The following HIVEP3 variants were observed in gnomAD, a reference collection of about 807,000 sequenced individuals.
HIVEP3 encodes the protein transcription factor HIVEP3.
HIVEP3 carries 49 observed loss-of-function variants against 152.8 expected under a neutral mutation model. The observed-to-expected ratio is 0.32, with a 90% CI of 0.26 to 0.41. The LOEUF is 0.41. HIVEP3 is among the 10% of genes least tolerant of loss of function. The pLI is 1.00. For missense variants in HIVEP3, 2,790 were observed against 3,103.3 expected (o/e 0.90, Z 2.40); for synonymous variants, 1,269 against 1,289.0 (o/e 0.98, Z 0.33).
At position 41,662,599 on chromosome 1, in the gene HIVEP3, G is replaced by T. The variant is rs988778849; in HGVS notation, c.-720-33652C>A. On this transcript the variant is annotated intron_variant, in intron 2 of 8. Transcript: ENST00000372583. The surrounding 1 kb of genome is among the most constrained non-coding windows in gnomAD (Gnocchi z 7.2). ...GCCCGGGCGCGGCTGGCGGCTGCCA[G>T]GGGAGGGTCTCCTCGCCCGGGGAAT... 1.6e-4 allele frequency among the ~76,000 whole-genome samples: 24 copies of T among 151,352 alleles called. No homozygotes were observed. Among genetic ancestry groups the T allele is most frequent in the African/African-American group, 5.8e-4 (24 of 41,404 alleles).
intron 1 of HIVEP3, among the ~76,000 whole-genome samples, chr1:41,836,877 A>G (rs1329362258): frequency 8.5e-5 from 13 of 152,176 alleles, no homozygotes; most frequent in African/African-American, 1.9e-4. Context: ...TCATACAACT[A>G]TCTTCTTGCA....
intron 1 of HIVEP3, among the ~76,000 whole-genome samples, chr1:41,761,042 A>T (rs986070304): frequency 6.6e-6 from 1 of 152,234 alleles, no homozygotes; most frequent in Non-Finnish European, 1.5e-5. Context: ...CCAGACATGG[A>T]GGCACTGAGG....
In HIVEP3 at chr1:41,510,461, G is replaced by C. The variant is rs74071559; in HGVS notation, c.7211C>G (p.Pro2404Arg). 7,682 of 1,501,116 alleles carry C rather than the reference G, an allele frequency of 5.1e-3. 361 individuals are homozygous for C. In the African/African-American group the frequency reaches 0.097, roughly 19 times the overall value. 93.0% of individuals were successfully genotyped at this position (1,501,116 alleles called of 1,614,324 possible). ...GCAGTTGGAGAGAGGCTAAGCGTTG[G>C]GGGGAACCCTGTCCTCAGGCTGATG... ...HPHQPEDRVP[P>R]NA Residue 2404 changes from proline (P) to arginine (R), a missense_variant, in exon 9 of 9, where the codon CCC becomes CGC. By Grantham distance (103) the Pro-to-Arg change is moderately radical. Around this residue, in one of 9 missense-constraint regions of HIVEP3, gnomAD observed 816 missense variants for 806.5 expected, o/e 1.01. Transcript: ENST00000372583.
At chr1:41,623,238 G>A (rs1645070313) in intron 3 of HIVEP3, among the ~76,000 whole-genome samples, 1 of 152,200 alleles carries the variant, frequency 6.6e-6, no homozygotes, top group African/African-American at 2.4e-5. Context: ...CTATTTTGGA[G>A]AAGCGACACG....
chr1:41,545,026 C>T (rs1643697932), intron 5 of HIVEP3, among the ~76,000 whole-genome samples: 3 of 115,604 alleles, frequency 2.6e-5, no homozygotes, highest in Admixed American at 8.0e-5. Context: ...ACTACCACCA[C>T]CACCACCACC....
chr1:41,643,165 A>G (rs896612022), intron 2 of HIVEP3, among the ~76,000 whole-genome samples: 3 of 152,136 alleles, frequency 2.0e-5, no homozygotes, highest in African/African-American at 7.2e-5. Context: ...CCCAAGCGGT[A>G]CTTCTGCATC....
intron 1 of HIVEP3, among the ~76,000 whole-genome samples, chr1:41,748,792 G>A (rs1051317574): frequency 2.6e-5 from 4 of 152,178 alleles, no homozygotes; most frequent in African/African-American, 9.7e-5. Flanking sequence ...ACCCCCTGCC[G>A]CCCACCAGCG....
Position 41,620,588 on chromosome 1 carries a change from A to C in HIVEP3, c.-522+8161T>G, listed in dbSNP as rs575340276. ...GCACTGCTCACCTTGACTTGGTAGC[A>C]GCTTCCACAGCTGCACACATCACCT... is the stretch of plus-strand genomic sequence containing the variant. On this transcript the variant is annotated intron_variant, in intron 3 of 8. Transcript: ENST00000372583. Among the ~76,000 whole-genome samples the C allele has an allele frequency of 2.0e-5, 3 of 152,212 alleles. No individual in the cohort carries two copies. The South Asian group carries it at 6.2e-4, about 32-fold the overall frequency.
At chr1:41,856,373 C>T (rs1247786086) in intron 1 of HIVEP3, among the ~76,000 whole-genome samples, 7 of 152,140 alleles carry the variant, frequency 4.6e-5, no homozygotes, top group Non-Finnish European at 7.4e-5. Context: ...GGGCTGGGCA[C>T]GCTCAAGGTG....
At chr1:41,527,221 CACTCA>C (rs1221114164) in intron 5 of HIVEP3, among the ~76,000 whole-genome samples, 4 of 121,166 alleles carry the variant, frequency 3.3e-5, no homozygotes, top group South Asian at 2.9e-4. Context: ...CACCCTCACA[CACTCA>C]CCCTCACACA....
intron 3 of HIVEP3, among the ~76,000 whole-genome samples, chr1:41,628,295 G>A (rs1213955759): frequency 6.6e-6 from 1 of 152,200 alleles, no homozygotes; most frequent in African/African-American, 2.4e-5. Flanking sequence ...AACTCCCGTG[G>A]TGCTCCTCTG....
In HIVEP3 at chr1:41,581,937, T is replaced by C. The variant is rs1303499585; in HGVS notation, c.2861A>G (p.His954Arg). 1.2e-6 allele frequency: 2 copies of C among 1,614,016 alleles called. No individual in the cohort carries two copies. The highest frequency in any genetic ancestry group is 1.1e-5 in the South Asian group (1 of 91,080). ...GGGACTGGGGGCCTCGGCTTTCCCA[T>C]GGTCATCCCTCTCAAACGAGGCTGA... The part of the protein sequence containing the change: ...SRSASFERDD[H>R]GKAEAPSPSS... The change falls in exon 4 of 9, where the codon CAT (histidine) becomes CGT (arginine). Residue 954 changes from histidine (H) to arginine (R), a missense_variant. His to Arg is a conservative substitution (Grantham distance 29). Around this residue, in one of 9 missense-constraint regions of HIVEP3, gnomAD observed 1,078 missense variants for 1,165.3 expected, o/e 0.93. Coordinates refer to ENST00000372583, the MANE Select transcript of HIVEP3 (RefSeq NM_024503.5). The surrounding 1 kb of genome is among the most constrained non-coding windows in gnomAD (Gnocchi z 4.5).
intron 2 of HIVEP3, among the ~76,000 whole-genome samples, chr1:41,647,912 C>A (rs536433915): frequency 1.3e-5 from 2 of 152,338 alleles, no homozygotes; most frequent in Admixed American, 1.3e-4. Context: ...CTGGTGAGGC[C>A]CTGCCTGGTG....
chr1:41,866,034 G>A (rs539311745), intron 1 of HIVEP3, among the ~76,000 whole-genome samples: 60 of 152,276 alleles, frequency 3.9e-4, no homozygotes, highest in African/African-American at 1.3e-3. Flanking sequence ...CTGGCAACTG[G>A]GCCCTACTGT....
chr1:41,559,358 G>A (rs1001504114), intron 5 of HIVEP3, among the ~76,000 whole-genome samples: 18 of 152,182 alleles, frequency 1.2e-4, no homozygotes, highest in African/African-American at 4.3e-4. Flanking sequence ...TGAACCATCT[G>A]AGAGCAAGTT....
At chr1:41,593,213 T>C (rs1208264428) in intron 3 of HIVEP3, among the ~76,000 whole-genome samples, 1 of 152,208 alleles carries the variant, frequency 6.6e-6, no homozygotes, top group Non-Finnish European at 1.5e-5. Context: ...CTCTTTCCCC[T>C]GAATCTCCCT....
At chr1:41,693,672 T>C (rs1431163624) in intron 2 of HIVEP3, among the ~76,000 whole-genome samples, 1 of 152,228 alleles carries the variant, frequency 6.6e-6, no homozygotes, top group Admixed American at 6.5e-5. Context: ...TTGTTTTCCT[T>C]CACAGTTTCT....
At position 41,557,128 on chromosome 1, in the gene HIVEP3, T is replaced by G. The variant is rs143277318; in HGVS notation, c.5207+18416A>C. The stretch of plus-strand genomic sequence containing the variant: ...GGTTCAAGGTCCCTTGCTCTTCATC[T>G]GCTTGTTCACTGTTATACCCCCAAC... On this transcript the variant is annotated intron_variant, in intron 5 of 8. Coordinates refer to ENST00000372583, the MANE Select transcript of HIVEP3 (RefSeq NM_024503.5). Among the ~76,000 whole-genome samples the G allele has an allele frequency of 9.5e-3, 1,452 of 152,326 alleles. 24 individuals carry two copies. The highest frequency in any genetic ancestry group is 0.033 in the African/African-American group (1,371 of 41,566).
At chr1:41,988,721 T>G (rs1280977810) in intron 1 of HIVEP3, among the ~76,000 whole-genome samples, 1 of 152,146 alleles carries the variant, frequency 6.6e-6, no homozygotes, top group Non-Finnish European at 1.5e-5. Flanking sequence ...CAGGTATATA[T>G]TCAAGGGAAA....
Sources: allele counts gnomAD v4.1 joint callset (sites outside exome capture counted in the v4.1 genomes callset), GRCh38; gene constraint gnomAD v4.1.1; regional missense constraint gnomAD v4.1.1; non-coding constraint Gnocchi (gnomAD v3.1); transcripts MANE v1.5; gene names NCBI Gene and HGNC (gene_info 2026-07-23, HGNC 2026-07-21).